The following PRMT9 variants were observed in gnomAD, a reference collection of about 807,000 sequenced individuals.
The protein encoded by PRMT9 is protein arginine methyltransferase 9.
A neutral mutation model predicts 83.2 loss-of-function variants in PRMT9; 59 were observed. The observed-to-expected ratio is 0.71, with a 90% CI of 0.57 to 0.88. The LOEUF (loss-of-function observed/expected upper bound fraction) is 0.88. Ranked by LOEUF, PRMT9 falls within the 40% of genes least tolerant of loss-of-function variation. The pLI is 0.00. For synonymous variants in PRMT9, 333 were observed against 353.2 expected (o/e 0.94, Z 0.64); for missense variants, 947 against 1,021.9 (o/e 0.93, Z 1.00).
intron 9 of PRMT9, among the ~76,000 whole-genome samples, chr4:147,649,189 GGA>G (rs1236329497): frequency 2.0e-5 from 3 of 150,700 alleles, no homozygotes; most frequent in East Asian, 2.0e-4. Context: ...GAGAGAAGAG[GGA>G]GAGAGAGAGA....
intron 1 of PRMT9, among the ~76,000 whole-genome samples, chr4:147,681,444 A>G (rs1049781039): frequency 6.6e-6 from 1 of 152,212 alleles, no homozygotes; most frequent in Admixed American, 6.5e-5. Context: ...AAAAGCGTTG[A>G]TATTTGGAAC....
Position 147,654,291 on chromosome 4 carries a change from C to T in PRMT9, c.1606G>A (p.Gly536Ser), listed in dbSNP as rs878944258. The change falls in exon 9 of 12, where the codon GGC becomes AGC. Residue 536 changes from glycine (G) to serine (S), a missense_variant. Gly to Ser is a moderately conservative substitution (Grantham distance 56). Coordinates refer to ENST00000322396, the MANE Select transcript of PRMT9 (RefSeq NM_138364.4). ...ALLNNIPYHE[G>S]FKMAMSKVLS... Reference sequence around the variant, plus strand: ...ACTTTGCTCATTGCCATTTTAAAGCCTTCATGATATGGGATGTTGTTAAGC... The same window carrying T: ...ACTTTGCTCATTGCCATTTTAAAGCTTTCATGATATGGGATGTTGTTAAGC... 7 of 1,614,150 alleles carry T rather than the reference C, an allele frequency of 4.3e-6. No individual in the cohort carries two copies. Among genetic ancestry groups the T allele is most frequent in the Non-Finnish European group, 5.1e-6 (6 of 1,180,024 alleles).
Position 147,654,319 on chromosome 4 carries a change from A to G in PRMT9, c.1578T>C (p.Ala526=). 6.2e-7 allele frequency: 1 copy of G among 1,614,208 alleles called. No individual in the cohort carries two copies. The highest frequency in any genetic ancestry group is 8.5e-7 in the Non-Finnish European group (1 of 1,180,030). The change falls in exon 9 of 12, where the codon GCT becomes GCC. Residue 526 remains alanine, a synonymous_variant. Coordinates refer to ENST00000322396, the MANE Select transcript of PRMT9 (RefSeq NM_138364.4). Reference sequence around the variant, plus strand: ...CATGATATGGGATGTTGTTAAGCAAAGCAATTTCTGTAGATTCCAATATAC... The same window carrying G: ...CATGATATGGGATGTTGTTAAGCAAGGCAATTTCTGTAGATTCCAATATAC... ...QTCILESTEI[A]LLNNIPYHEG...
At position 147,640,146 on chromosome 4, in the gene PRMT9, C is replaced by T. The variant is rs1468805996; in HGVS notation, c.2200-1064G>A. On this transcript the variant is annotated intron_variant, in intron 10 of 11. Coordinates refer to ENST00000322396, the MANE Select transcript of PRMT9 (RefSeq NM_138364.4). ...GGAGTGCAGTAGTACAATCACAGCT[C>T]ACTGCAACCTCCGCTTCCTGGGCTC... 7.5e-4 allele frequency among the ~76,000 whole-genome samples: 105 copies of T among 139,702 alleles called. 1 individual carries two copies. The highest frequency in any genetic ancestry group is 7.6e-5 in the Non-Finnish European group (5 of 65,782). 91.6% of individuals were successfully genotyped at this position (139,702 alleles called of 152,430 possible). A position where few individuals can be genotyped will look rare whatever the true frequency, so the allele number is the denominator to read the frequency against.
chr4:147,665,819 C>A (rs1189789774), intron 6 of PRMT9, among the ~76,000 whole-genome samples: 1 of 152,170 alleles, frequency 6.6e-6, no homozygotes, highest in Non-Finnish European at 1.5e-5. Context: ...GTGACTGTTA[C>A]ATCATAATTT....
At position 147,643,962 on chromosome 4, in the gene PRMT9, A is replaced by G. The variant is rs542749044; in HGVS notation, c.2046-1022T>C. The stretch of plus-strand genomic sequence containing the variant: ...ACAGTGACTGCACCACTAAAGAGAC[A>G]TGAAAACTAAATGGAATATATGATC... On this transcript the variant is annotated intron_variant, in intron 9 of 11. Transcript: ENST00000322396. Among the ~76,000 whole-genome samples, 114 of 152,334 alleles carry G rather than the reference A, an allele frequency of 7.5e-4. 1 individual carries two copies. Among genetic ancestry groups the G allele is most frequent in the Non-Finnish European group, 1.2e-3 (81 of 68,024 alleles).
At chr4:147,646,698 C>T (rs964754152) in intron 9 of PRMT9, among the ~76,000 whole-genome samples, 3 of 151,892 alleles carry the variant, frequency 2.0e-5, no homozygotes, top group Non-Finnish European at 4.4e-5. Context: ...AGGTTCCCAC[C>T]CCAAAAAAAT....
chr4:147,679,421 G>A (rs1040008329), intron 2 of PRMT9, among the ~76,000 whole-genome samples: 5 of 151,380 alleles, frequency 3.3e-5, no homozygotes, highest in African/African-American at 1.2e-4. Context: ...ACTCCAACCT[G>A]AGCGACACAG....
Position 147,671,724 on chromosome 4 carries a change from A to G in PRMT9, c.744-981T>C, listed in dbSNP as rs1016688596. The G allele has an allele frequency of 2.8e-5, 11 of 386,798 alleles. No individual in the cohort carries two copies. The East Asian group carries it at 5.8e-4, about 20-fold the overall frequency. The allele number at this position is 386,798 out of a possible 1,614,324, so 24.0% of individuals were successfully genotyped here. A position where few individuals can be genotyped will look rare whatever the true frequency, so the allele number is the denominator to read the frequency against. On this transcript the variant is annotated intron_variant, in intron 4 of 11. Coordinates refer to ENST00000322396, the MANE Select transcript of PRMT9 (RefSeq NM_138364.4). ...ATTTGCTTAAGGTCAAAATAAATTAATAATAGTCTAATCTGGAATCCATAG... is the reference window on the plus strand; with the variant it reads ...ATTTGCTTAAGGTCAAAATAAATTAGTAATAGTCTAATCTGGAATCCATAG...
chr4:147,659,511 A>G (rs1311622508), intron 7 of PRMT9, among the ~76,000 whole-genome samples: 5 of 151,634 alleles, frequency 3.3e-5, no homozygotes, highest in Non-Finnish European at 7.4e-5. Flanking sequence ...TGAACATTTA[A>G]CCTTACCTAT....
intron 10 of PRMT9, 38 bp downstream of exon 10, chr4:147,642,748 CA>C (rs780543309): frequency 6.4e-7 from 1 of 1,572,522 alleles, no homozygotes; most frequent in Non-Finnish European, 8.7e-7. Flanking sequence ...GTAGACTGTT[CA>C]ACAGCATCCT....
intron 1 of PRMT9, among the ~76,000 whole-genome samples, chr4:147,681,496 G>C (rs1736465893): frequency 6.6e-6 from 1 of 152,176 alleles, no homozygotes; most frequent in Non-Finnish European, 1.5e-5. Flanking sequence ...GGATAAGAAA[G>C]GAGATTCTGG....
intron 10 of PRMT9, among the ~76,000 whole-genome samples, chr4:147,641,001 C>T (rs1383293032): frequency 6.6e-6 from 1 of 152,162 alleles, no homozygotes; most frequent in Non-Finnish European, 1.5e-5. Context: ...GCATGAGCCA[C>T]CACACCAGCC....
chr4:147,673,566 T>C (rs1735869625), intron 3 of PRMT9, 72 bp downstream of exon 3: 7 of 983,364 alleles, frequency 7.1e-6, no homozygotes, highest in Non-Finnish European at 9.8e-6. Flanking sequence ...TGTTAAATTT[T>C]CCATATCTGG....
intron 6 of PRMT9, among the ~76,000 whole-genome samples, chr4:147,662,085 T>C (rs1735002632): frequency 6.6e-6 from 1 of 152,176 alleles, no homozygotes; most frequent in African/African-American, 2.4e-5. Context: ...AGAATGTTTA[T>C]AGCTACACTG....
At position 147,654,197 on chromosome 4, in the gene PRMT9, G is replaced by C; in HGVS notation, c.1700C>G (p.Ser567Cys). The C allele has an allele frequency of 6.2e-7, 1 of 1,614,168 alleles. No individual in the cohort carries two copies. Among genetic ancestry groups the C allele is most frequent in the South Asian group, 1.1e-5 (1 of 91,088 alleles). Residue 567 changes from serine (S) to cysteine (C), a missense_variant, in exon 9 of 12, where the codon TCT (serine) becomes TGT (cysteine). Coordinates refer to ENST00000322396, the MANE Select transcript of PRMT9 (RefSeq NM_138364.4). ...TACAGTATTACTCTGTCCAGTTCCA[G>C]AGCTCATCTCATTCTGACAGTGAGT... The part of the protein sequence containing the change: ...MDTHCQNEMS[S>C]GTGQSNTVQN...
intron 1 of PRMT9, among the ~76,000 whole-genome samples, chr4:147,682,477 A>G (rs1270915386): frequency 2.6e-5 from 4 of 151,868 alleles, no homozygotes; most frequent in Non-Finnish European, 4.4e-5. Flanking sequence ...CGCCCGGCCT[A>G]ATTTTTTAAT....
intron 9 of PRMT9, among the ~76,000 whole-genome samples, chr4:147,648,070 A>C (rs1733844932): frequency 6.6e-6 from 1 of 152,236 alleles, no homozygotes; most frequent in Non-Finnish European, 1.5e-5. Flanking sequence ...GATTATAATA[A>C]GATACATATA....
At chr4:147,671,509 A>C (rs902739047) in intron 4 of PRMT9, among the ~76,000 whole-genome samples, 1 of 152,234 alleles carries the variant, frequency 6.6e-6, no homozygotes, top group African/African-American at 2.4e-5. Flanking sequence ...AGATAAGAAA[A>C]GTTTCATGAA....
Sources: allele counts gnomAD v4.1 joint callset (sites outside exome capture counted in the v4.1 genomes callset), GRCh38; gene constraint gnomAD v4.1.1; transcripts MANE v1.5; gene names NCBI Gene and HGNC (gene_info 2026-07-23, HGNC 2026-07-21).